The following RASEF variants were observed in gnomAD, a reference collection of about 807,000 sequenced individuals.
The protein encoded by RASEF is ras and EF-hand domain-containing protein.
In RASEF, 68 loss-of-function variants were observed where a neutral mutation model predicts 90.1. The ratio of observed to expected loss-of-function variants is 0.75; its 90% CI spans 0.62 to 0.92. The LOEUF (loss-of-function observed/expected upper bound fraction) is 0.92, where lower values mean the gene tolerates loss of function less well. RASEF is among the 40% of genes least tolerant of loss of function. The pLI, the probability that RASEF is intolerant of heterozygous loss-of-function variation, is 0.00. For synonymous variants in RASEF, 331 were observed against 345.2 expected, an observed-to-expected ratio of 0.96 and a Z score of 0.46; for missense variants, 949 against 937.2, an observed-to-expected ratio of 1.01 and a Z score of -0.16.
chr9:83,188,429 G>A, the RASEF span, among the ~76,000 whole-genome samples: 1 of 152,170 alleles, frequency 6.6e-6, no homozygotes, highest in Non-Finnish European at 1.5e-5. Flanking sequence ...TTGCAAGTTG[G>A]TGGAAGTGAT....
At chr9:83,215,688 G>T in the RASEF span, among the ~76,000 whole-genome samples, 1 of 152,206 alleles carries the variant, frequency 6.6e-6, no homozygotes, top group Non-Finnish European at 1.5e-5. Context: ...AGACAGTAGG[G>T]TGCTGCTGCA....
intron 15 of RASEF, among the ~76,000 whole-genome samples, chr9:82,992,067 G>A (rs892190067): frequency 2.6e-5 from 4 of 152,184 alleles, no homozygotes; most frequent in Non-Finnish European, 2.9e-5. Flanking sequence ...TTGGTTTGCA[G>A]TTCTAAATTT....
chr9:83,127,159 T>C, the RASEF span, among the ~76,000 whole-genome samples: 1 of 152,220 alleles, frequency 6.6e-6, no homozygotes, highest in African/African-American at 2.4e-5. Flanking sequence ...ACTAATCCAG[T>C]GACCACCATA....
the RASEF span, among the ~76,000 whole-genome samples, chr9:83,077,176 A>G: frequency 6.6e-6 from 1 of 152,216 alleles, no homozygotes; most frequent in Admixed American, 6.5e-5. Context: ...TACACAGCCA[A>G]TGTCAGGCTT....
At chr9:83,188,647 C>T in the RASEF span, among the ~76,000 whole-genome samples, 28 of 152,212 alleles carry the variant, frequency 1.8e-4, no homozygotes, top group African/African-American at 6.3e-4. Flanking sequence ...AAATGCACTG[C>T]ATTTGCACAA....
intron 1 of RASEF, among the ~76,000 whole-genome samples, chr9:83,034,942 T>G (rs1403444354): frequency 2.0e-5 from 3 of 152,152 alleles, no homozygotes; most frequent in Non-Finnish European, 4.4e-5. Flanking sequence ...TTTCCATCCA[T>G]TATTATTCTT....
chr9:83,186,745 CTT>C, the RASEF span, among the ~76,000 whole-genome samples: 5 of 151,848 alleles, frequency 3.3e-5, no homozygotes, highest in African/African-American at 1.2e-4. Context: ...TGGGAAATGA[CTT>C]ATTTTTTAAA....
At chr9:83,144,403 AGAAAGAAAG>A in the RASEF span, among the ~76,000 whole-genome samples, 1 of 147,310 alleles carries the variant, frequency 6.8e-6, no homozygotes, top group African/African-American at 2.5e-5. Context: ...AAAGAAAGAA[AGAAAGAAAG>A]AAAGAAAAGA....
At chr9:83,062,361 G>A in intron 1 of RASEF, 76 bp downstream of exon 1, 1 of 1,455,352 alleles carries the variant, frequency 6.9e-7, no homozygotes. Context: ...CATTGGGTCT[G>A]CACACCTGCA....
chr9:83,030,349 T>C (rs1436245103), intron 1 of RASEF, among the ~76,000 whole-genome samples: 4 of 147,974 alleles, frequency 2.7e-5, no homozygotes, highest in African/African-American at 7.5e-5. Flanking sequence ...AGAGTGAGAC[T>C]CCGTCACAAA....
intron 3 of RASEF, among the ~76,000 whole-genome samples, chr9:83,021,388 C>T (rs1393993143): frequency 6.6e-6 from 1 of 152,122 alleles, no homozygotes; most frequent in African/African-American, 2.4e-5. Context: ...GTTAACAGGG[C>T]AAATTAATAA....
At chr9:83,007,749 T>C (rs2118481994) in intron 6 of RASEF, among the ~76,000 whole-genome samples, 1 of 152,142 alleles carries the variant, frequency 6.6e-6, no homozygotes, top group African/African-American at 2.4e-5. Context: ...GCCTCCGACA[T>C]CACAAGCCTA....
At chr9:83,149,959 C>T in the RASEF span, among the ~76,000 whole-genome samples, 1 of 152,166 alleles carries the variant, frequency 6.6e-6, no homozygotes, top group Admixed American at 6.5e-5. Context: ...TAAGGGCTAT[C>T]CCACAAGAAT....
the RASEF span, among the ~76,000 whole-genome samples, chr9:83,146,121 C>T: frequency 8.7e-3 from 1,313 of 150,600 alleles, 26 homozygotes; most frequent in African/African-American, 0.031. Context: ...TAGTTGCCCA[C>T]GAGGTAAGTC....
Position 83,062,594 on chromosome 9 carries a change from C to A in RASEF, c.274G>T (p.Val92Leu). The A allele has an allele frequency of 6.4e-7, 1 of 1,573,724 alleles. No individual in the cohort carries two copies. Among genetic ancestry groups the A allele is most frequent in the Non-Finnish European group, 8.6e-7 (1 of 1,162,746 alleles). ...TGTGTCTCCGGCCCCGCCTCAGACA[C>A]GGCGGGCGCGGGATCCAGAGGACCC... ...DWGPLDPAPA[V>L]SEAGPETHDS... Residue 92 changes from valine (V) to leucine (L), a missense_variant, in exon 1 of 17, where the codon GTG becomes TTG. Val to Leu is a conservative substitution (Grantham distance 32). This residue lies in a region of RASEF where 656 missense variants were observed against 592.2 expected (regional missense o/e 1.11). Transcript: ENST00000376447.
At chr9:83,055,434 G>A (rs1007618200) in intron 1 of RASEF, 8 of 617,366 alleles carry the variant, frequency 1.3e-5, no homozygotes, top group East Asian at 3.0e-5. Context: ...ACTGGCCTGC[G>A]CCCACTGTCT....
At chr9:83,144,393 AAAGAAAG>A in the RASEF span, among the ~76,000 whole-genome samples, 89 of 144,220 alleles carry the variant, frequency 6.2e-4, 5 homozygotes, top group African/African-American at 2.1e-3. Flanking sequence ...GAAAGAAAGG[AAAGAAAG>A]AAAGAAAGAA....
chr9:83,079,000 T>A, the RASEF span, among the ~76,000 whole-genome samples: 1 of 152,200 alleles, frequency 6.6e-6, no homozygotes, highest in Admixed American at 6.5e-5. Flanking sequence ...TTCTGTAGGT[T>A]TCCTCTGTTG....
chr9:83,212,407 C>T, the RASEF span, among the ~76,000 whole-genome samples: 2 of 152,174 alleles, frequency 1.3e-5, no homozygotes, highest in Admixed American at 1.3e-4. Flanking sequence ...TTAATTCAAA[C>T]ACAAATAAAC....
Sources: gnomAD v4.1 joint callset for allele counts (sites outside exome capture counted in the v4.1 genomes callset) on GRCh38, gnomAD v4.1.1 for gene constraint, gnomAD v4.1.1 regional missense constraint, MANE v1.5 for transcripts, NCBI Gene and HGNC (gene_info 2026-07-23, HGNC 2026-07-21) for gene names.